The following APLF variants were observed in gnomAD, a reference collection of about 807,000 sequenced individuals.
APLF encodes aprataxin and PNK-like factor.
Under a neutral mutation model 55.6 loss-of-function variants are expected in APLF, and 61 were observed. The ratio of observed to expected loss-of-function variants is 1.10; its 90% CI spans 0.89 to 1.36. The LOEUF (loss-of-function observed/expected upper bound fraction) is 1.36, where lower values mean the gene tolerates loss of function less well. Among genes scored for constraint, APLF ranks in the 40% most tolerant of loss-of-function variants. The probability of loss-of-function intolerance (pLI) is 0.00; values close to 1 mark genes in which losing one functional copy is unlikely to be tolerated. For synonymous variants in APLF, 207 were observed against 214.8 expected, an observed-to-expected ratio of 0.96 and a Z score of 0.32; for missense variants, 611 against 602.5, an observed-to-expected ratio of 1.01 and a Z score of -0.15.
At chr2:68,517,376 A>G (rs1408523829) in intron 5 of APLF, among the ~76,000 whole-genome samples, 2 of 131,192 alleles carry the variant, frequency 1.5e-5, no homozygotes, top group African/African-American at 5.7e-5. Context: ...ATATTCATAT[A>G]GTAATATATG....
intron 3 of APLF, among the ~76,000 whole-genome samples, chr2:68,506,808 T>C (rs1170818835): frequency 2.0e-5 from 3 of 151,918 alleles, no homozygotes; most frequent in Non-Finnish European, 4.4e-5. Context: ...GTCCTATAAC[T>C]ATATGAAAGA....
At chr2:68,477,421 C>T (rs1675814697) in intron 1 of APLF, among the ~76,000 whole-genome samples, 1 of 151,960 alleles carries the variant, frequency 6.6e-6, no homozygotes, top group Non-Finnish European at 1.5e-5. Context: ...ACAGCTTGAG[C>T]CTGGAATTCA....
At chr2:68,513,335 T>C in intron 4 of APLF, 108 bp downstream of exon 4, 1 of 1,355,822 alleles carries the variant, frequency 7.4e-7, no homozygotes, top group Non-Finnish European at 1.0e-6. Context: ...CCAGCATTTA[T>C]CTACTTTTGC....
intron 1 of APLF, among the ~76,000 whole-genome samples, chr2:68,479,057 C>CA (rs2103884031): frequency 1.3e-5 from 2 of 152,280 alleles, no homozygotes; most frequent in South Asian, 4.2e-4. Flanking sequence ...TCTGGCCACC[C>CA]AGAGCCCCAT....
Position 68,578,103 on chromosome 2 carries a change from A to C in APLF, c.*81A>C, listed in dbSNP as rs1400174112. The stretch of plus-strand genomic sequence containing the variant: ...CATTTATGAACTAAGGAGGTACTTA[A>C]GTGACAGTTATTTTCCTTCTTTTGA... On this transcript the variant is annotated 3_prime_UTR_variant, in exon 10 of 10. Coordinates refer to ENST00000303795, the MANE Select transcript of APLF (RefSeq NM_173545.3). The C allele has an allele frequency of 1.3e-6, 2 of 1,490,466 alleles. No individual in the cohort carries two copies. The highest frequency in any genetic ancestry group is 4.8e-5 in the Admixed American group (2 of 41,700). The allele number at this position is 1,490,466 out of a possible 1,614,324, so 92.3% of individuals were successfully genotyped here. A position where few individuals can be genotyped will look rare whatever the true frequency, so the allele number is the denominator to read the frequency against.
intron 8 of APLF, among the ~76,000 whole-genome samples, chr2:68,545,627 A>G (rs1670683672): frequency 6.6e-6 from 1 of 152,164 alleles, no homozygotes; most frequent in Non-Finnish European, 1.5e-5. Flanking sequence ...CCTAGGTGTG[A>G]CATATAAATC....
intron 5 of APLF, among the ~76,000 whole-genome samples, chr2:68,518,751 A>T (rs1459597315): frequency 1.6e-5 from 2 of 122,462 alleles, no homozygotes; most frequent in Admixed American, 1.9e-4. Context: ...TATCATTAAT[A>T]TATAATAAAA....
At chr2:68,526,741 G>A (rs550821327) in intron 6 of APLF, among the ~76,000 whole-genome samples, 11 of 152,244 alleles carry the variant, frequency 7.2e-5, no homozygotes, top group Admixed American at 2.0e-4. Flanking sequence ...AGGCTGGAGC[G>A]CAGTGGTGCG....
intron 1 of APLF, among the ~76,000 whole-genome samples, chr2:68,473,330 C>G (rs1675680166): frequency 6.6e-6 from 1 of 152,210 alleles, no homozygotes. Context: ...TCCTCCAAGT[C>G]TTTTCATGGC....
chr2:68,478,165 GA>G lies in APLF; in HGVS notation c.96+10348del, dbSNP rs370234945. Among the ~76,000 whole-genome samples the G allele has an allele frequency of 4.3e-4, 61 of 142,302 alleles. 1 individual carries two copies. The highest frequency in any genetic ancestry group is 1.2e-3 in the African/African-American group (47 of 38,696). 93.4% of individuals were successfully genotyped at this position (142,302 alleles called of 152,430 possible). ...CAAAAAGCAGAGAAAAATAATGGCA[GA>G]AAAAAAAAAGAAAAGAAAAATTACA... On this transcript the variant is annotated intron_variant, in intron 1 of 9. Coordinates refer to ENST00000303795, the MANE Select transcript of APLF (RefSeq NM_173545.3).
At chr2:68,526,457 C>G (rs1439184974) in intron 6 of APLF, among the ~76,000 whole-genome samples, 6 of 152,164 alleles carry the variant, frequency 3.9e-5, no homozygotes, top group Admixed American at 3.9e-4. Flanking sequence ...ACTATGGCGA[C>G]CGCCACGGAG....
At chr2:68,494,234 C>T (rs1430385237) in intron 2 of APLF, among the ~76,000 whole-genome samples, 19 of 135,752 alleles carry the variant, frequency 1.4e-4, no homozygotes, top group African/African-American at 5.4e-4. Context: ...GCTGAGATCG[C>T]ACCACTGTAA....
intron 3 of APLF, among the ~76,000 whole-genome samples, chr2:68,508,655 G>T (rs1472287786): frequency 6.6e-6 from 1 of 151,730 alleles, no homozygotes; most frequent in Non-Finnish European, 1.5e-5. Flanking sequence ...TTAAGAAAGT[G>T]AAAAGATTTA....
intron 5 of APLF, among the ~76,000 whole-genome samples, chr2:68,516,873 TATA>T (rs1669594024): frequency 7.4e-6 from 1 of 134,460 alleles, no homozygotes; most frequent in African/African-American, 2.8e-5. Context: ...TATAATTATA[TATA>T]ATGTTATATA....
intron 1 of APLF, among the ~76,000 whole-genome samples, chr2:68,471,591 A>G (rs1391297320): frequency 2.0e-5 from 3 of 152,194 alleles, no homozygotes; most frequent in Non-Finnish European, 4.4e-5. Context: ...GTGATAAATG[A>G]CAACAGTTCT....
intron 1 of APLF, among the ~76,000 whole-genome samples, chr2:68,483,404 G>A (rs1464189593): frequency 1.3e-5 from 2 of 152,128 alleles, no homozygotes; most frequent in South Asian, 4.1e-4. Flanking sequence ...GCAGAGGCAG[G>A]GTGCCTTGCA....
intron 8 of APLF, among the ~76,000 whole-genome samples, chr2:68,555,852 G>T (rs1670992982): frequency 6.6e-6 from 1 of 152,130 alleles, no homozygotes; most frequent in African/African-American, 2.4e-5. Flanking sequence ...CCACTACTGG[G>T]TATCTACCCA....
chr2:68,569,206 G>A (rs566470236), intron 9 of APLF, among the ~76,000 whole-genome samples: 1 of 152,060 alleles, frequency 6.6e-6, no homozygotes, highest in African/African-American at 2.4e-5. Flanking sequence ...GAGCCGGCTC[G>A]TAATTGTGGT....
intron 7 of APLF, among the ~76,000 whole-genome samples, chr2:68,544,155 T>G (rs1670634065): frequency 6.6e-6 from 1 of 151,956 alleles, no homozygotes; most frequent in Non-Finnish European, 1.5e-5. Context: ...CTAGTTGTAT[T>G]TTTAGTAGAG....
Sources: allele counts gnomAD v4.1 joint callset (sites outside exome capture counted in the v4.1 genomes callset), GRCh38; gene constraint gnomAD v4.1.1; transcripts MANE v1.5; gene names NCBI Gene and HGNC (gene_info 2026-07-23, HGNC 2026-07-21).